The following CACNA2D1 variants were observed in gnomAD, a reference collection of about 807,000 sequenced individuals.
The protein encoded by CACNA2D1 is voltage-dependent calcium channel subunit alpha-2/delta-1.
CACNA2D1 carries 53 observed loss-of-function variants against 171.5 expected under a neutral mutation model. That is an observed-to-expected ratio of 0.31 (90% CI 0.25 to 0.39). The LOEUF (loss-of-function observed/expected upper bound fraction) is 0.39, where lower values mean the gene tolerates loss of function less well. Among genes scored for constraint, CACNA2D1 ranks in the 10% least tolerant of loss-of-function variants. The pLI, the probability that CACNA2D1 is intolerant of heterozygous loss-of-function variation, is 1.00. For missense variants in CACNA2D1, 903 were observed against 1,299.8 expected (o/e 0.69, Z 4.69); for synonymous variants, 442 against 443.1 (o/e 1.00, Z 0.03).
rs74836343 is a variant in CACNA2D1 at position 82,304,569 on chromosome 7, G to A, written c.294+30566C>T. On this transcript the variant is annotated intron_variant, in intron 3 of 38. Coordinates refer to ENST00000356860, the MANE Select transcript of CACNA2D1 (RefSeq NM_000722.4). ...CATTAGCAGCAATATGAATGGAACC[G>A]GAGATCATTACGTTAAGTGAAATAA... Among the ~76,000 whole-genome samples the A allele has an allele frequency of 7.9e-3, 1,201 of 152,202 alleles. 20 individuals carry two copies. The highest frequency in any genetic ancestry group is 0.026 in the African/African-American group (1,088 of 41,532).
At chr7:82,230,284 C>T (rs1301468214) in intron 3 of CACNA2D1, among the ~76,000 whole-genome samples, 1 of 152,174 alleles carries the variant, frequency 6.6e-6, no homozygotes, top group East Asian at 1.9e-4. Context: ...ATAGTATCCA[C>T]ATTTGGTGTC....
At chr7:82,272,406 C>A (rs1808757160) in intron 3 of CACNA2D1, among the ~76,000 whole-genome samples, 1 of 152,168 alleles carries the variant, frequency 6.6e-6, no homozygotes. Flanking sequence ...AAATTTGATA[C>A]ATCTTCCTTC....
intron 10 of CACNA2D1, among the ~76,000 whole-genome samples, chr7:82,047,498 T>TACTACAATA (rs1409570194): frequency 6.6e-6 from 1 of 152,158 alleles, no homozygotes; most frequent in East Asian, 1.9e-4. Flanking sequence ...AGAGCAGAGA[T>TACTACAATA]ACTACAATAC....
rs10954663 is a variant in CACNA2D1 at position 82,117,304 on chromosome 7, C to A, written c.397-131G>T. 164,756 of 859,992 alleles carry A rather than the reference C, an allele frequency of 0.19. 17,415 individuals are homozygous for A. The highest frequency in any genetic ancestry group is 0.31 in the East Asian group (11,662 of 37,696). The allele number at this position is 859,992 out of a possible 1,614,324, so 53.3% of individuals were successfully genotyped here. A position where few individuals can be genotyped will look rare whatever the true frequency, so the allele number is the denominator to read the frequency against. On this transcript the variant is annotated intron_variant, in intron 5 of 38. Transcript: ENST00000356860. ...ACAACAATTGTTTAAAATATAGTAC[C>A]TTGATAGCATTGGATACACAAATTT... is the stretch of plus-strand genomic sequence containing the variant.
chr7:82,159,021 A>G (rs1255953685), intron 4 of CACNA2D1, among the ~76,000 whole-genome samples: 1 of 151,688 alleles, frequency 6.6e-6, no homozygotes, highest in East Asian at 1.9e-4. Flanking sequence ...TTTACATCAT[A>G]TTTTCTTTTC....
At chr7:81,982,494 T>C in intron 24 of CACNA2D1, 73 bp downstream of exon 24, 3 of 835,318 alleles carry the variant, frequency 3.6e-6, no homozygotes, top group Non-Finnish European at 6.4e-6. Flanking sequence ...AGAGCAGTCT[T>C]GACTCAATTC....
chr7:82,217,878 G>A (rs1050421852), intron 3 of CACNA2D1, among the ~76,000 whole-genome samples: 28 of 148,310 alleles, frequency 1.9e-4, no homozygotes, highest in African/African-American at 7.0e-4. Context: ...TTTTAATGTG[G>A]GAGGCACTAT....
chr7:82,321,953 C>T (rs1429914340), intron 3 of CACNA2D1, among the ~76,000 whole-genome samples: 2 of 150,510 alleles, frequency 1.3e-5, no homozygotes, highest in African/African-American at 2.4e-5. Flanking sequence ...GGTGAAACCC[C>T]GTCTCTACTA....
In CACNA2D1 at chr7:82,046,454, T is replaced by C. The variant is rs577888603; in HGVS notation, c.880-8219A>G. Among the ~76,000 whole-genome samples, 4 of 152,270 alleles carry C rather than the reference T, an allele frequency of 2.6e-5. No individual in the cohort carries two copies. The South Asian group carries it at 6.2e-4, about 24-fold the overall frequency. The stretch of plus-strand genomic sequence containing the variant: ...TCCATTGTATAAAAAAAGAAACATA[T>C]TGAGAATGAATTATCTCTTCTTTAA... On this transcript the variant is annotated intron_variant, in intron 10 of 38. Transcript: ENST00000356860.
chr7:82,366,156 T>G (rs1021055317), intron 1 of CACNA2D1, among the ~76,000 whole-genome samples: 2 of 152,242 alleles, frequency 1.3e-5, no homozygotes, highest in East Asian at 1.9e-4. Flanking sequence ...AATTTTGGTC[T>G]TGAACTTGTG....
At chr7:82,157,104 A>C (rs1794451250) in intron 4 of CACNA2D1, among the ~76,000 whole-genome samples, 1 of 152,096 alleles carries the variant, frequency 6.6e-6, no homozygotes, top group African/African-American at 2.4e-5. Flanking sequence ...CAAAGCTTGC[A>C]ACATGGCCAA....
At chr7:82,240,072 A>G (rs1420914367) in intron 3 of CACNA2D1, among the ~76,000 whole-genome samples, 2 of 152,190 alleles carry the variant, frequency 1.3e-5, no homozygotes, top group Non-Finnish European at 1.5e-5. Context: ...GCAAAAGAAC[A>G]GTTATGAACT....
chr7:82,349,268 T>G (rs1489560013), intron 2 of CACNA2D1, among the ~76,000 whole-genome samples: 1 of 152,214 alleles, frequency 6.6e-6, no homozygotes, highest in Non-Finnish European at 1.5e-5. Context: ...AACATTATAA[T>G]AGTAAGTACA....
At chr7:82,337,348 A>T (rs998528942) in intron 2 of CACNA2D1, among the ~76,000 whole-genome samples, 3 of 152,186 alleles carry the variant, frequency 2.0e-5, no homozygotes, top group African/African-American at 7.2e-5. Flanking sequence ...TTCTGGTTCC[A>T]AAGACTACAA....
intron 3 of CACNA2D1, among the ~76,000 whole-genome samples, chr7:82,260,067 C>A (rs370410050): frequency 6.6e-6 from 1 of 151,990 alleles, no homozygotes; most frequent in African/African-American, 2.4e-5. Flanking sequence ...ACTAAAAATA[C>A]ACAAATTAGC....
intron 3 of CACNA2D1, among the ~76,000 whole-genome samples, chr7:82,247,452 G>C (rs763559724): frequency 1.9e-4 from 29 of 151,814 alleles, no homozygotes; most frequent in Non-Finnish European, 2.1e-4. Flanking sequence ...GGGGGCTGCA[G>C]TGAGCTGACA....
At chr7:82,344,958 A>G (rs930753368) in intron 2 of CACNA2D1, among the ~76,000 whole-genome samples, 25 of 152,158 alleles carry the variant, frequency 1.6e-4, no homozygotes, top group African/African-American at 3.9e-4. Flanking sequence ...GAATTCTAAT[A>G]TCTGATATTC....
rs1303137101 is a variant in CACNA2D1 at position 82,443,480 on chromosome 7, GC to G, written c.-22del. The G allele has an allele frequency of 6.9e-6, 11 of 1,604,420 alleles. No homozygotes were observed. The highest frequency in any genetic ancestry group is 9.4e-6 in the Non-Finnish European group (11 of 1,175,402). On this transcript the variant is annotated 5_prime_UTR_variant, in exon 1 of 39. Coordinates refer to ENST00000356860, the MANE Select transcript of CACNA2D1 (RefSeq NM_000722.4). ...GCCATCTTCGCGATCGAAGATCAAT[GC>G]CCCCTCCCTGCCCAAGCGGGGGAAG...
chr7:82,033,039 G>A (rs1802903735), intron 11 of CACNA2D1, 138 bp from the exon 12 acceptor site: 2 of 629,084 alleles, frequency 3.2e-6, no homozygotes, highest in Admixed American at 4.4e-5. Flanking sequence ...CTAAGAACTG[G>A]TTCCTGGATC....
Sources: allele counts gnomAD v4.1 joint callset (sites outside exome capture counted in the v4.1 genomes callset), GRCh38; gene constraint gnomAD v4.1.1; transcripts MANE v1.5; gene names NCBI Gene and HGNC (gene_info 2026-07-23, HGNC 2026-07-21).